RAD9B: variants seen among roughly 807,000 people sequenced by gnomAD.
RAD9B encodes cell cycle checkpoint control protein RAD9B.
RAD9B carries 41 observed loss-of-function variants against 48.3 expected under a neutral mutation model. That is an observed-to-expected ratio of 0.85 (90% CI 0.66 to 1.10). The LOEUF (loss-of-function observed/expected upper bound fraction) is 1.10, where lower values mean the gene tolerates loss of function less well. Among genes scored for constraint, RAD9B ranks in the 50% least tolerant of loss-of-function variants. The pLI, the probability that RAD9B is intolerant of heterozygous loss-of-function variation, is 0.00. For missense variants in RAD9B, 444 were observed against 485.1 expected, an observed-to-expected ratio of 0.92 and a Z score of 0.80; for synonymous variants, 160 against 157.9, an observed-to-expected ratio of 1.01 and a Z score of -0.10.
At chr12:110,528,400 G>GAT (rs2064012716) in intron 10 of RAD9B, among the ~76,000 whole-genome samples, 1 of 152,294 alleles carries the variant, frequency 6.6e-6, no homozygotes, top group Admixed American at 6.5e-5. Context: ...TTCAGTTTTG[G>GAT]ATATGTTAAG....
intron 2 of RAD9B, 41 bp from the exon 3 acceptor site, chr12:110,505,576 T>G: frequency 6.7e-7 from 1 of 1,498,514 alleles, no homozygotes; most frequent in African/African-American, 1.4e-5. Context: ...GGAGCCACCA[T>G]GCGCAACCTC....
chr12:110,513,121 A>C (rs1408719165), intron 5 of RAD9B, among the ~76,000 whole-genome samples: 4 of 151,606 alleles, frequency 2.6e-5, no homozygotes, highest in Non-Finnish European at 4.4e-5. Flanking sequence ...GCCCACCGCC[A>C]CTCCTGGCTA....
intron 10 of RAD9B, among the ~76,000 whole-genome samples, chr12:110,527,230 C>CA (rs2063973989): frequency 6.6e-6 from 1 of 152,146 alleles, no homozygotes; most frequent in Non-Finnish European, 1.5e-5. Flanking sequence ...GTTTTTTCCA[C>CA]ACAGCCGCAC....
At chr12:110,529,297 C>A (rs565498034) in intron 10 of RAD9B, among the ~76,000 whole-genome samples, 2 of 152,070 alleles carry the variant, frequency 1.3e-5, no homozygotes, top group Non-Finnish European at 2.9e-5. Flanking sequence ...GTGCCCGCCA[C>A]CATGCCCAGC....
At chr12:110,507,108 T>TGCTG (rs1480328529) in intron 4 of RAD9B, among the ~76,000 whole-genome samples, 1 of 152,030 alleles carries the variant, frequency 6.6e-6, no homozygotes, top group African/African-American at 2.4e-5. Flanking sequence ...CCTCCCAAAG[T>TGCTG]GCTGGGATGA....
At chr12:110,511,621 TAC>T (rs1364927914) in intron 4 of RAD9B, 1 of 269,162 alleles carries the variant, frequency 3.7e-6, no homozygotes, top group Non-Finnish European at 8.1e-6. Flanking sequence ...GGTACAAACA[TAC>T]AGTTAGGTAG....
chr12:110,529,639 A>G (rs1433314273), intron 10 of RAD9B, among the ~76,000 whole-genome samples: 1 of 151,876 alleles, frequency 6.6e-6, no homozygotes, highest in Non-Finnish European at 1.5e-5. Flanking sequence ...AGTTACAGCT[A>G]CTCCAGAGGC....
In RAD9B at chr12:110,522,222, G is replaced by A. The variant is rs895084892; in HGVS notation, c.936G>A (p.Gln312=). 1.9e-6 allele frequency: 3 copies of A among 1,604,952 alleles called. No homozygotes were observed. In the Admixed American group the frequency reaches 5.1e-5, roughly 27 times the overall value. Residue 312 remains glutamine, a synonymous_variant, in exon 10 of 11, where the codon CAG becomes CAA. Transcript: ENST00000409300. ...EKKAGKNVTG[Q]ALECISKKAA... ...AGGCTGGCAAAAATGTAACTGGCCA[G>A]GCCCTGGAATGTATTTCAAAAAAAG...
At chr12:110,509,599 G>A (rs1214971656) in intron 4 of RAD9B, among the ~76,000 whole-genome samples, 1 of 152,150 alleles carries the variant, frequency 6.6e-6, no homozygotes, top group African/African-American at 2.4e-5. Context: ...AGATGAAGGA[G>A]AAGTGTGAAA....
chr12:110,505,731 C>T lies in RAD9B; in HGVS notation c.232C>T (p.Leu78Phe). The T allele has an allele frequency of 6.8e-6, 11 of 1,611,666 alleles. No individual in the cohort carries two copies. Among genetic ancestry groups the T allele is most frequent in the Non-Finnish European group, 9.3e-6 (11 of 1,178,854 alleles). The change falls in exon 3 of 11, where the codon CTT becomes TTT. Residue 78 changes from leucine to phenylalanine, a missense_variant. By Grantham distance (22) the Leu-to-Phe change is conservative. Transcript: ENST00000409300. ...SALVKMSENE[L>F]DTTLHLKCKL... is the part of the protein sequence containing the mutation. ...TTTAGTGAAAATGAGTGAAAATGAA[C>T]TTGACACAACACTGCATTTAAAATG...
chr12:110,531,562 T>C lies in RAD9B; in HGVS notation c.*909T>C. 1 of 1,546,304 alleles carries C rather than the reference T, an allele frequency of 6.5e-7. No individual in the cohort carries two copies. The highest frequency in any genetic ancestry group is 8.9e-7 in the Non-Finnish European group (1 of 1,122,448). On this transcript the variant is annotated 3_prime_UTR_variant, in exon 11 of 11. Coordinates refer to ENST00000409300, the MANE Select transcript of RAD9B (RefSeq NM_001286535.2). Reference sequence around the variant, plus strand: ...TTGTTCTGATTTTCAGATGTGATTTTTTATTTTGCAGTGTGCTGCAGGAAA... The same window carrying C: ...TTGTTCTGATTTTCAGATGTGATTTCTTATTTTGCAGTGTGCTGCAGGAAA...
Position 110,531,601 on chromosome 12 carries a change from G to C in RAD9B, c.*948G>C, listed in dbSNP as rs1466572348. ...TGCTGCAGGAAAGAATTTAATGGAA[G>C]TGATGCCAAATATTTCTGTATTATC... On this transcript the variant is annotated 3_prime_UTR_variant, in exon 11 of 11. Coordinates refer to ENST00000409300, the MANE Select transcript of RAD9B (RefSeq NM_001286535.2). 1 of 1,610,720 alleles carries C rather than the reference G, an allele frequency of 6.2e-7. No individual in the cohort carries two copies. Among genetic ancestry groups the C allele is most frequent in the Non-Finnish European group, 8.5e-7 (1 of 1,177,850 alleles).
At chr12:110,525,804 C>T (rs1283861295) in intron 10 of RAD9B, among the ~76,000 whole-genome samples, 1 of 152,218 alleles carries the variant, frequency 6.6e-6, no homozygotes, top group East Asian at 1.9e-4. Flanking sequence ...GATTCTCCTA[C>T]CTCAGCCTCT....
chr12:110,520,628 CTTTTTTT>C (rs71083129), intron 9 of RAD9B, among the ~76,000 whole-genome samples: 1 of 99,968 alleles, frequency 1.0e-5, no homozygotes, highest in East Asian at 3.1e-4. Flanking sequence ...TTCTTGCTTT[CTTTTTTT>C]TTTTTTTTTT....
At chr12:110,502,841 G>GT in intron 1 of RAD9B, 1 of 159,462 alleles carries the variant, frequency 6.3e-6, no homozygotes, top group Non-Finnish European at 1.4e-5. Flanking sequence ...GGTAATGACA[G>GT]CACCTTCGTC....
chr12:110,518,735 C>G lies in RAD9B; in HGVS notation c.655C>G (p.Gln219Glu). ...TGGCTCAGATGAGTTTGACTTCTTT[C>G]AAATTGGAATGGACACTGAGATAAC... ...FVGSDEFDFF[Q>E]IGMDTEITFC... The change falls in exon 7 of 11, where the codon CAA becomes GAA. Residue 219 changes from glutamine (Q) to glutamate (E), a missense_variant. Physicochemically the swap from Gln to Glu is conservative, Grantham distance 29. Transcript: ENST00000409300. 6.2e-7 allele frequency: 1 copy of G among 1,611,768 alleles called. No individual in the cohort carries two copies. The highest frequency in any genetic ancestry group is 8.5e-7 in the Non-Finnish European group (1 of 1,178,340).
At chr12:110,526,313 A>G (rs905857179) in intron 10 of RAD9B, among the ~76,000 whole-genome samples, 5 of 152,150 alleles carry the variant, frequency 3.3e-5, no homozygotes, top group Non-Finnish European at 7.3e-5. Context: ...AGCTTCCTCC[A>G]TTAGATTACT....
At chr12:110,513,348 A>T (rs1457742452) in intron 5 of RAD9B, among the ~76,000 whole-genome samples, 2 of 152,056 alleles carry the variant, frequency 1.3e-5, no homozygotes, top group Non-Finnish European at 2.9e-5. Flanking sequence ...GTTAAAGATA[A>T]TAGTGGATAA....
chr12:110,530,773 G>A lies in RAD9B; in HGVS notation c.*120G>A. On this transcript the variant is annotated 3_prime_UTR_variant, in exon 11 of 11. Coordinates refer to ENST00000409300, the MANE Select transcript of RAD9B (RefSeq NM_001286535.2). ...CCAGGACTTCCTTTTAATGGAGGAT[G>A]GGCTTTTAAACCACATCATCTTGTA... 1 of 1,504,192 alleles carries A rather than the reference G, an allele frequency of 6.6e-7. No homozygotes were observed. Among genetic ancestry groups the A allele is most frequent in the East Asian group, 2.3e-5 (1 of 43,612 alleles). 93.2% of individuals were successfully genotyped at this position (1,504,192 alleles called of 1,614,324 possible).
Sources: gnomAD v4.1 joint callset for allele counts (sites outside exome capture counted in the v4.1 genomes callset) on GRCh38, gnomAD v4.1.1 for gene constraint, MANE v1.5 for transcripts, NCBI Gene and HGNC (gene_info 2026-07-23, HGNC 2026-07-21) for gene names.